PCTP: variants seen among roughly 807,000 people sequenced by gnomAD.
The protein encoded by PCTP is phosphatidylcholine transfer protein.
In PCTP, 27 loss-of-function variants were observed where a neutral mutation model predicts 31.0. That is an observed-to-expected ratio of 0.87 (90% CI 0.64 to 1.20). PCTP has a LOEUF of 1.20. Ranked by LOEUF, PCTP falls within the 50% of genes most tolerant of loss-of-function variation. The pLI is 0.00. For missense variants in PCTP, 287 were observed against 268.2 expected, an observed-to-expected ratio of 1.07 and a Z score of -0.49; for synonymous variants, 108 against 101.2, an observed-to-expected ratio of 1.07 and a Z score of -0.40.
At chr17:55,821,907 G>A (rs1289893276) in intron 3 of PCTP, among the ~76,000 whole-genome samples, 1 of 152,166 alleles carries the variant, frequency 6.6e-6, no homozygotes, top group Non-Finnish European at 1.5e-5. Flanking sequence ...TCTCACCCTG[G>A]AACTGGGGTG....
chr17:55,850,392 C>T, the PCTP span, among the ~76,000 whole-genome samples: 3 of 152,156 alleles, frequency 2.0e-5, no homozygotes, highest in African/African-American at 7.2e-5. Context: ...TAAATGGTAG[C>T]TGCTCTTAAA....
chr17:55,754,208 C>T (rs921541432), intron 1 of PCTP, among the ~76,000 whole-genome samples: 1 of 152,140 alleles, frequency 6.6e-6, no homozygotes, highest in Non-Finnish European at 1.5e-5. Flanking sequence ...CAAGATTAAC[C>T]CCCTCTTCCC....
intron 5 of PCTP, among the ~76,000 whole-genome samples, chr17:55,834,359 C>T (rs1037854467): frequency 1.3e-5 from 2 of 151,994 alleles, no homozygotes; most frequent in South Asian, 4.2e-4. Context: ...TCTCCCTGCT[C>T]CACCCCCAAC....
At chr17:55,761,967 CA>C (rs1409638178) in intron 1 of PCTP, among the ~76,000 whole-genome samples, 1 of 152,042 alleles carries the variant, frequency 6.6e-6, no homozygotes, top group Non-Finnish European at 1.5e-5. Flanking sequence ...TGGATTATTT[CA>C]AGGAGTTAGG....
intron 2 of PCTP, chr17:55,770,022 A>T (rs1910894995): frequency 6.6e-6 from 1 of 152,142 alleles, no homozygotes; most frequent in African/African-American, 2.4e-5. Context: ...TTCTTTCAAA[A>T]CCTAAATTAT....
At chr17:55,822,239 G>A (rs1913136917) in intron 3 of PCTP, among the ~76,000 whole-genome samples, 1 of 152,206 alleles carries the variant, frequency 6.6e-6, no homozygotes, top group Non-Finnish European at 1.5e-5. Context: ...CTGTGAAGCA[G>A]ATGGATTACA....
chr17:55,752,452 C>T (rs561300962), intron 1 of PCTP, among the ~76,000 whole-genome samples: 2 of 152,216 alleles, frequency 1.3e-5, no homozygotes, highest in South Asian at 2.1e-4. Context: ...ATACCTCTCC[C>T]GGGGAAGAAT....
At chr17:55,819,117 T>C (rs1278324774) in intron 3 of PCTP, among the ~76,000 whole-genome samples, 1 of 147,196 alleles carries the variant, frequency 6.8e-6, no homozygotes, top group African/African-American at 2.5e-5. Flanking sequence ...CCCTTCATGA[T>C]AGAAAACACA....
intron 5 of PCTP, among the ~76,000 whole-genome samples, chr17:55,841,239 C>T (rs1215487968): frequency 6.6e-6 from 1 of 152,180 alleles, no homozygotes; most frequent in Non-Finnish European, 1.5e-5. Context: ...ATTATTGAAG[C>T]ACTTGAGGCA....
intron 2 of PCTP, among the ~76,000 whole-genome samples, chr17:55,784,649 C>T (rs988784083): frequency 6.6e-6 from 1 of 151,906 alleles, no homozygotes; most frequent in Non-Finnish European, 1.5e-5. Flanking sequence ...GTCAGCTTCC[C>T]CATAGAAAGG....
At chr17:55,848,712 C>A in the PCTP span, among the ~76,000 whole-genome samples, 13 of 152,152 alleles carry the variant, frequency 8.5e-5, no homozygotes. Flanking sequence ...TGGCCCAACC[C>A]CTTACCAGCT....
At chr17:55,762,120 T>A (rs1177475673) in intron 1 of PCTP, among the ~76,000 whole-genome samples, 1 of 152,176 alleles carries the variant, frequency 6.6e-6, no homozygotes, top group African/African-American at 2.4e-5. Context: ...AAGGATGGCA[T>A]GATCGGATAG....
chr17:55,765,526 C>T (rs568270683), intron 1 of PCTP, among the ~76,000 whole-genome samples: 10 of 152,310 alleles, frequency 6.6e-5, no homozygotes, highest in Admixed American at 2.6e-4. Flanking sequence ...TCACTGACTC[C>T]TCGCCATCAC....
chr17:55,760,227 G>C (rs1175582774), intron 1 of PCTP, among the ~76,000 whole-genome samples: 2 of 152,174 alleles, frequency 1.3e-5, no homozygotes, highest in Non-Finnish European at 2.9e-5. Flanking sequence ...GCCTGGCTTA[G>C]AGCAGGTTCA....
At chr17:55,759,639 G>A (rs146809775) in intron 1 of PCTP, among the ~76,000 whole-genome samples, 1 of 152,274 alleles carries the variant, frequency 6.6e-6, no homozygotes, top group African/African-American at 2.4e-5. Flanking sequence ...TCTGTGAGAG[G>A]CAAAGAGAAC....
In PCTP at chr17:55,776,527, T is replaced by C. The variant is rs1911340242; in HGVS notation, c.*427T>C. ...TGACTATTTGGGCGGGCTGGCTCTTTTGCAGCTTGTGATTTCTTCCAGCTT... is the reference window on the plus strand; with the variant it reads ...TGACTATTTGGGCGGGCTGGCTCTTCTGCAGCTTGTGATTTCTTCCAGCTT... On this transcript the variant is annotated 3_prime_UTR_variant, in exon 6 of 6. Transcript: ENST00000268896. 2 of 1,231,994 alleles carry C rather than the reference T, an allele frequency of 1.6e-6. No homozygotes were observed. The highest frequency in any genetic ancestry group is 3.1e-5 in the African/African-American group (2 of 64,414). 76.3% of individuals were successfully genotyped at this position (1,231,994 alleles called of 1,614,324 possible).
At chr17:55,752,870 T>C (rs1398054102) in intron 1 of PCTP, among the ~76,000 whole-genome samples, 1 of 152,234 alleles carries the variant, frequency 6.6e-6, no homozygotes, top group African/African-American at 2.4e-5. Context: ...AAAGGTACCT[T>C]AGTTTGAAAA....
At chr17:55,783,149 CT>C (rs780184144) in intron 2 of PCTP, among the ~76,000 whole-genome samples, 1 of 151,888 alleles carries the variant, frequency 6.6e-6, no homozygotes, top group South Asian at 2.1e-4. Context: ...ATTTTTAGTT[CT>C]TTTTTTTAAA....
intron 5 of PCTP, among the ~76,000 whole-genome samples, chr17:55,840,532 T>A (rs1464762928): frequency 1.3e-5 from 2 of 152,242 alleles, no homozygotes; most frequent in Non-Finnish European, 2.9e-5. Context: ...GATTTTGTTT[T>A]CCATGGTTTT....
Sources: gnomAD v4.1 joint callset for allele counts (sites outside exome capture counted in the v4.1 genomes callset) on GRCh38, gnomAD v4.1.1 for gene constraint, MANE v1.5 for transcripts, NCBI Gene and HGNC (gene_info 2026-07-23, HGNC 2026-07-21) for gene names.